Variants in SPAG16 observed in about 807,000 individuals in gnomAD.
SPAG16 encodes sperm associated antigen 16.
In SPAG16, 86 loss-of-function variants were observed where a neutral mutation model predicts 80.4. That is an observed-to-expected ratio of 1.07 (90% CI 0.90 to 1.28). The LOEUF is 1.28. Among genes scored for constraint, SPAG16 ranks in the 50% most tolerant of loss-of-function variants. The pLI is 0.00. For synonymous variants in SPAG16, 294 were observed against 265.9 expected, an observed-to-expected ratio of 1.11 and a Z score of -1.03; for missense variants, 870 against 765.3, an observed-to-expected ratio of 1.14 and a Z score of -1.61.
At chr2:214,150,418 A>C (rs1189650643) in intron 15 of SPAG16, among the ~76,000 whole-genome samples, 1 of 152,092 alleles carries the variant, frequency 6.6e-6, no homozygotes, top group Non-Finnish European at 1.5e-5. Context: ...ATGGTCTGCC[A>C]GAATTAAAAA....
intron 10 of SPAG16, among the ~76,000 whole-genome samples, chr2:213,738,544 A>G (rs559133248): frequency 5.8e-4 from 88 of 152,312 alleles, no homozygotes; most frequent in African/African-American, 2.1e-3. Flanking sequence ...CCACTATAAA[A>G]TTTTAAAAAT....
intron 15 of SPAG16, among the ~76,000 whole-genome samples, chr2:214,294,998 C>T (rs1694036060): frequency 6.6e-6 from 1 of 152,176 alleles, no homozygotes; most frequent in Non-Finnish European, 1.5e-5. Flanking sequence ...CCTGTATGAG[C>T]ACTTGCTCTA....
At chr2:213,352,889 T>C (rs2065411774) in intron 7 of SPAG16, among the ~76,000 whole-genome samples, 1 of 152,214 alleles carries the variant, frequency 6.6e-6, no homozygotes, top group African/African-American at 2.4e-5. Context: ...TATCCCAATC[T>C]TTGTGAGTTA....
At chr2:213,835,887 G>A (rs570396324) in intron 10 of SPAG16, among the ~76,000 whole-genome samples, 1 of 152,094 alleles carries the variant, frequency 6.6e-6, no homozygotes, top group Non-Finnish European at 1.5e-5. Context: ...GGAAGTTTGG[G>A]CATGTATGTG....
chr2:213,904,600 C>CAAAAAAAAAAAAAAAAAAAAAAAAA, intron 11 of SPAG16, among the ~76,000 whole-genome samples: 1 of 89,478 alleles, frequency 1.1e-5, no homozygotes, highest in Non-Finnish European at 2.1e-5. Flanking sequence ...ATAAATTTTG[C>CAAAAAAAAAAAAAAAAAAAAAAAAA]AAAAAAAAAA....
chr2:213,677,414 T>C (rs2064141025), intron 10 of SPAG16, among the ~76,000 whole-genome samples: 1 of 151,766 alleles, frequency 6.6e-6, no homozygotes, highest in Non-Finnish European at 1.5e-5. Flanking sequence ...AATAAAAGGA[T>C]GGAGGAAGAT....
chr2:213,668,543 TA>T (rs2063698683), intron 10 of SPAG16, among the ~76,000 whole-genome samples: 1 of 152,212 alleles, frequency 6.6e-6, no homozygotes, highest in Non-Finnish European at 1.5e-5. Flanking sequence ...ATTTCACTCT[TA>T]TGTAATTAAT....
At chr2:213,426,896 A>G (rs13021887) in intron 9 of SPAG16, among the ~76,000 whole-genome samples, 40,175 of 148,868 alleles carry the variant, frequency 0.27, 6,126 homozygotes, top group Middle Eastern at 0.45. Context: ...GCTACACTCT[A>G]TAGGATCCTT....
intron 10 of SPAG16, among the ~76,000 whole-genome samples, chr2:213,605,539 G>C (rs1203363297): frequency 6.6e-6 from 1 of 152,052 alleles, no homozygotes; most frequent in Admixed American, 6.6e-5. Context: ...CCCTGGGCTA[G>C]TGTGCAATGG....
At chr2:213,510,211 T>C (rs1054134469) in intron 10 of SPAG16, among the ~76,000 whole-genome samples, 5 of 152,114 alleles carry the variant, frequency 3.3e-5, no homozygotes, top group Non-Finnish European at 5.9e-5. Flanking sequence ...CCTGGAGATA[T>C]TGGGTCCATC....
At chr2:214,242,077 C>T (rs1384631392) in intron 15 of SPAG16, among the ~76,000 whole-genome samples, 1 of 152,200 alleles carries the variant, frequency 6.6e-6, no homozygotes, top group Non-Finnish European at 1.5e-5. Flanking sequence ...CTATATTTCT[C>T]AGACTGGTTT....
At chr2:213,342,702 G>T (rs951891408) in intron 6 of SPAG16, among the ~76,000 whole-genome samples, 1 of 151,932 alleles carries the variant, frequency 6.6e-6, no homozygotes, top group African/African-American at 2.4e-5. Flanking sequence ...ATTGTAAATA[G>T]TATAGAATTA....
chr2:213,516,963 C>T (rs964103403), intron 10 of SPAG16, among the ~76,000 whole-genome samples: 1 of 151,964 alleles, frequency 6.6e-6, no homozygotes, highest in African/African-American at 2.4e-5. Flanking sequence ...AAGTCCTAGC[C>T]AATGCAATCA....
chr2:213,511,863 A>G (rs962605619), intron 10 of SPAG16, among the ~76,000 whole-genome samples: 3 of 152,152 alleles, frequency 2.0e-5, no homozygotes, highest in African/African-American at 7.2e-5. Flanking sequence ...AAAATAAAAT[A>G]CAAAAGCATA....
intron 10 of SPAG16, among the ~76,000 whole-genome samples, chr2:213,823,545 A>G (rs1196275481): frequency 6.6e-6 from 1 of 152,012 alleles, no homozygotes; most frequent in Non-Finnish European, 1.5e-5. Context: ...TTTTTAGTAG[A>G]GATAGGGTTT....
At chr2:213,641,417 C>T (rs1165892023) in intron 10 of SPAG16, among the ~76,000 whole-genome samples, 1 of 152,210 alleles carries the variant, frequency 6.6e-6, no homozygotes, top group Non-Finnish European at 1.5e-5. Context: ...AGCTTCTGTG[C>T]TTATGTCTGC....
chr2:213,907,117 A>G (rs2077463658), intron 11 of SPAG16, among the ~76,000 whole-genome samples: 1 of 152,206 alleles, frequency 6.6e-6, no homozygotes, highest in South Asian at 2.1e-4. Context: ...TTCATTCAAC[A>G]ATGGACTGAT....
At chr2:213,300,463 T>C (rs934247809) in intron 3 of SPAG16, among the ~76,000 whole-genome samples, 1 of 152,226 alleles carries the variant, frequency 6.6e-6, no homozygotes, top group Admixed American at 6.5e-5. Context: ...AGGGAATTTA[T>C]GTTGTCTTTC....
intron 5 of SPAG16, among the ~76,000 whole-genome samples, chr2:213,322,352 A>AC (rs1198466154): frequency 8.9e-6 from 1 of 112,182 alleles, no homozygotes. Context: ...AAAAAAAAAA[A>AC]AAAACAAAAA....
Sources: gnomAD v4.1 joint callset for allele counts (sites outside exome capture counted in the v4.1 genomes callset) on GRCh38, gnomAD v4.1.1 for gene constraint, MANE v1.5 for transcripts, NCBI Gene and HGNC (gene_info 2026-07-23, HGNC 2026-07-21) for gene names.